The following FAM110B variants were observed in gnomAD, a reference collection of about 807,000 sequenced individuals.
FAM110B encodes family with sequence similarity 110 member B.
A neutral mutation model predicts 20.4 loss-of-function variants in FAM110B; 6 were observed. The observed-to-expected ratio is 0.29, with a 90% CI of 0.16 to 0.58. The LOEUF is 0.58. Ranked by LOEUF, FAM110B falls within the 20% of genes least tolerant of loss-of-function variation. The pLI is 0.90. For missense variants in FAM110B, 434 were observed against 498.2 expected, an observed-to-expected ratio of 0.87 and a Z score of 1.23; for synonymous variants, 226 against 214.1, an observed-to-expected ratio of 1.06 and a Z score of -0.49.
At chr8:58,017,106 G>A (rs1804654247) in intron 1 of FAM110B, among the ~76,000 whole-genome samples, 1 of 152,174 alleles carries the variant, frequency 6.6e-6, no homozygotes, top group Non-Finnish European at 1.5e-5. Context: ...TAGTGTGGTA[G>A]GTAAGGGAGT....
intron 3 of FAM110B, among the ~76,000 whole-genome samples, chr8:58,144,153 T>G (rs540819022): frequency 6.6e-6 from 1 of 152,266 alleles, no homozygotes; most frequent in South Asian, 2.1e-4. Context: ...TTGCAGATCT[T>G]GGTCCTGCCC....
chr8:58,146,922 C>T lies in FAM110B; in HGVS notation c.692C>T (p.Ala231Val), dbSNP rs369051680. 7 of 1,614,104 alleles carry T rather than the reference C, an allele frequency of 4.3e-6. No individual in the cohort carries two copies. The African/African-American group carries it at 8.0e-5, about 18-fold the overall frequency. ...CCCCTGCCTCCCAAGCCCAAAATCG[C>T]AGCCATCGCCTCCATGAAGTCCCCC... ...APPLPPKPKI[A>V]AIASMKSPEA... Residue 231 changes from alanine to valine, a missense_variant, in exon 4 of 4, where the codon GCA becomes GTA. Coordinates refer to ENST00000519262, the MANE Select transcript of FAM110B (RefSeq NM_001377989.1).
chr8:58,135,178 G>T (rs1803580747), intron 3 of FAM110B, among the ~76,000 whole-genome samples: 1 of 152,114 alleles, frequency 6.6e-6, no homozygotes, highest in Admixed American at 6.5e-5. Context: ...AAATGTCTCT[G>T]GACATCAGTT....
At chr8:58,014,011 G>A (rs1026102208) in intron 1 of FAM110B, among the ~76,000 whole-genome samples, 18 of 152,120 alleles carry the variant, frequency 1.2e-4, no homozygotes, top group Non-Finnish European at 2.1e-4. Context: ...GCACTAAGAC[G>A]TGGCATCTGC....
At chr8:58,113,255 T>A (rs1424903983) in intron 3 of FAM110B, 3 of 166,766 alleles carry the variant, frequency 1.8e-5, no homozygotes, top group African/African-American at 7.2e-5. Context: ...CTTGATGAGA[T>A]TTGGCTTTCT....
intron 2 of FAM110B, among the ~76,000 whole-genome samples, chr8:58,047,637 A>ACTCTCTCTCTCTCTCTCTCTCTCTCTCT: frequency 2.3e-5 from 1 of 43,622 alleles, no homozygotes; most frequent in Middle Eastern, 0.011. Context: ...TCTCTCTCTG[A>ACTCTCTCTCTCTCTCTCTCTCTCTCTCT]CTTATATAAA....
rs375663354 is a variant in FAM110B, at chr8:58,001,362, G to A, written c.-512+6556G>A. Among the ~76,000 whole-genome samples the A allele has an allele frequency of 6.6e-5, 9 of 135,516 alleles. No individual in the cohort carries two copies. The South Asian group carries it at 1.2e-3, about 18-fold the overall frequency. The allele number at this position is 135,516 out of a possible 152,430, so 88.9% of individuals were successfully genotyped here. A position where few individuals can be genotyped will look rare whatever the true frequency, so the allele number is the denominator to read the frequency against. ...GTGAAAGTGCCACACTTGTCATGGAGCTAGTGTGTGCAGGTGTGTGTGTGT... is the reference window on the plus strand; with the variant it reads ...GTGAAAGTGCCACACTTGTCATGGAACTAGTGTGTGCAGGTGTGTGTGTGT... On this transcript the variant is annotated intron_variant, in intron 1 of 3. Coordinates refer to ENST00000519262, the MANE Select transcript of FAM110B (RefSeq NM_001377989.1).
Position 58,148,619 on chromosome 8 carries a change from C to T in FAM110B, c.*1276C>T, listed in dbSNP as rs1803926652. 6.0e-6 allele frequency: 1 copy of T among 167,084 alleles called. No individual in the cohort carries two copies. Among genetic ancestry groups the T allele is most frequent in the Non-Finnish European group, 1.5e-5 (1 of 68,116 alleles). 10.4% of individuals were successfully genotyped at this position (167,084 alleles called of 1,614,324 possible). A position where few individuals can be genotyped will look rare whatever the true frequency, so the allele number is the denominator to read the frequency against. ...ACCTACAAGTGGTTTGCCTCATTGC[C>T]TTTGCCACATCTGAAGTTCTCAGCA... On this transcript the variant is annotated 3_prime_UTR_variant, in exon 4 of 4. Transcript: ENST00000519262.
At chr8:57,999,795 T>G (rs1370329813) in intron 1 of FAM110B, among the ~76,000 whole-genome samples, 1 of 152,106 alleles carries the variant, frequency 6.6e-6, no homozygotes, top group Non-Finnish European at 1.5e-5. Context: ...CAGTCGAGAA[T>G]GGGGGCCACT....
intron 1 of FAM110B, among the ~76,000 whole-genome samples, chr8:58,012,225 C>G (rs1804551667): frequency 6.6e-6 from 1 of 151,956 alleles, no homozygotes; most frequent in African/African-American, 2.4e-5. Flanking sequence ...TAAATTTTCT[C>G]TAGGTACTAT....
At chr8:58,128,055 A>G (rs1264700699) in intron 3 of FAM110B, among the ~76,000 whole-genome samples, 1 of 152,230 alleles carries the variant, frequency 6.6e-6, no homozygotes, top group Non-Finnish European at 1.5e-5. Context: ...CCAATTAAAA[A>G]TAACCGTTTT....
chr8:57,998,320 G>A (rs115402846), intron 1 of FAM110B, among the ~76,000 whole-genome samples: 2 of 152,138 alleles, frequency 1.3e-5, no homozygotes, highest in Non-Finnish European at 2.9e-5. Flanking sequence ...AAAGAATGTT[G>A]GGTCTGTTTT....
intron 1 of FAM110B, among the ~76,000 whole-genome samples, chr8:58,004,625 G>A (rs1461721044): frequency 1.3e-5 from 2 of 152,166 alleles, no homozygotes; most frequent in Non-Finnish European, 2.9e-5. Context: ...CGTGCCTGTA[G>A]TCCCAGCTAC....
At chr8:58,052,186 C>G (rs7841377) in intron 2 of FAM110B, among the ~76,000 whole-genome samples, 89,033 of 152,046 alleles carry the variant, frequency 0.59, 27,747 homozygotes, top group African/African-American at 0.81. Context: ...TCAATGTGGA[C>G]TTCTCACCAC....
chr8:58,111,132 G>A (rs1392526751), intron 3 of FAM110B, among the ~76,000 whole-genome samples: 1 of 152,072 alleles, frequency 6.6e-6, no homozygotes, highest in Non-Finnish European at 1.5e-5. Context: ...TGTATGTTTT[G>A]TATTTATGTA....
At position 58,147,940 on chromosome 8, in the gene FAM110B, C is replaced by T. The variant is rs545001931; in HGVS notation, c.*597C>T. 4.7e-5 allele frequency: 8 copies of T among 168,728 alleles called. No homozygotes were observed. In the East Asian group the frequency reaches 7.7e-4, roughly 16 times the overall value. 10.5% of individuals were successfully genotyped at this position (168,728 alleles called of 1,614,324 possible). On this transcript the variant is annotated 3_prime_UTR_variant, in exon 4 of 4. Coordinates refer to ENST00000519262, the MANE Select transcript of FAM110B (RefSeq NM_001377989.1). ...GGGTAACAATGCTACGTTTTGTGTC[C>T]GATTCAGTGTGTAAACGTTGGTGGT...
At chr8:58,020,103 T>C (rs1804720832) in intron 1 of FAM110B, among the ~76,000 whole-genome samples, 1 of 152,156 alleles carries the variant, frequency 6.6e-6, no homozygotes, top group South Asian at 2.1e-4. Context: ...AAATTTTTAA[T>C]TTGAAATATT....
chr8:58,079,292 G>T (rs1291968681), intron 3 of FAM110B, among the ~76,000 whole-genome samples: 2 of 152,156 alleles, frequency 1.3e-5, no homozygotes, highest in African/African-American at 2.4e-5. Context: ...GGAGGAAAGG[G>T]CATTCTCTGG....
intron 1 of FAM110B, among the ~76,000 whole-genome samples, chr8:58,012,954 A>G (rs1012997963): frequency 5.3e-5 from 8 of 152,024 alleles, no homozygotes; most frequent in Non-Finnish European, 1.2e-4. Context: ...GAGCATTCCT[A>G]TGACATTTGC....
Sources: gnomAD v4.1 joint callset for allele counts (sites outside exome capture counted in the v4.1 genomes callset) on GRCh38, gnomAD v4.1.1 for gene constraint, MANE v1.5 for transcripts, NCBI Gene and HGNC (gene_info 2026-07-23, HGNC 2026-07-21) for gene names.